Variants in TSHR observed in about 807,000 individuals in gnomAD.
The protein encoded by TSHR is thyrotropin receptor.
In TSHR, 51 loss-of-function variants were observed where a neutral mutation model predicts 64.1. The observed-to-expected ratio is 0.80, with a 90% CI of 0.64 to 1.01. TSHR has a LOEUF of 1.01. TSHR is among the 50% of genes least tolerant of loss of function. The pLI is 0.00. For synonymous variants in TSHR, 361 were observed against 361.9 expected, an observed-to-expected ratio of 1.00 and a Z score of 0.03; for missense variants, 877 against 942.8, an observed-to-expected ratio of 0.93 and a Z score of 0.91.
chr14:81,139,835 CTGT>C lies in TSHR; in HGVS notation c.850_852del (p.Cys284del). 6.2e-7 allele frequency: 1 copy of C among 1,614,214 alleles called. No individual in the cohort carries two copies. Among genetic ancestry groups the C allele is most frequent in the South Asian group, 1.1e-5 (1 of 91,092 alleles). Reference sequence around the variant, plus strand: ...CTGACCTTTCTTACCCAAGCCACTGCTGTGCTTTTAAGAATCAGAAGAAAATCA... The same window carrying C: ...CTGACCTTTCTTACCCAAGCCACTGCGCTTTTAAGAATCAGAAGAAAATCA... On this transcript the variant is annotated inframe_deletion, in exon 9 of 10. Transcript: ENST00000298171.
rs1888278492 is a variant in TSHR, at chr14:80,983,458, C to A, written c.170+27608C>A. 3.8e-6 allele frequency: 5 copies of A among 1,328,296 alleles called. 1 individual carries two copies. The highest frequency in any genetic ancestry group is 4.1e-5 in the Admixed American group (2 of 49,318). The allele number at this position is 1,328,296 out of a possible 1,614,324, so 82.3% of individuals were successfully genotyped here. A position where few individuals can be genotyped will look rare whatever the true frequency, so the allele number is the denominator to read the frequency against. ...GACATGATCAATATGAAGGCACTGG[C>A]AGCATCAAAACTCATCTTTAACCAT... is the stretch of plus-strand genomic sequence containing the variant. On this transcript the variant is annotated intron_variant, in intron 1 of 9. Transcript: ENST00000298171.
At chr14:80,956,087 T>C (rs1886661464) in intron 1 of TSHR, 1 of 610,082 alleles carries the variant, frequency 1.6e-6, no homozygotes, top group African/African-American at 1.8e-5. Flanking sequence ...TTACAAAACT[T>C]TGGTGTACAA....
chr14:81,030,253 A>G (rs1012345394), intron 1 of TSHR, among the ~76,000 whole-genome samples: 1 of 150,918 alleles, frequency 6.6e-6, no homozygotes, highest in East Asian at 1.9e-4. Flanking sequence ...CTAAAACAGA[A>G]TTTAAAAATG....
At chr14:81,092,443 T>A (rs1045057332) in intron 5 of TSHR, 88 bp from the exon 6 acceptor site, 14 of 1,156,422 alleles carry the variant, frequency 1.2e-5, no homozygotes, top group Admixed American at 3.4e-5. Flanking sequence ...TATTGTGTCC[T>A]GTTATTTAAG....
chr14:80,974,940 G>A (rs1426815309), intron 1 of TSHR, among the ~76,000 whole-genome samples: 1 of 152,228 alleles, frequency 6.6e-6, no homozygotes, highest in African/African-American at 2.4e-5. Flanking sequence ...TACTTACACA[G>A]TAAGAGTGCT....
chr14:81,017,427 G>A (rs1475836197), intron 1 of TSHR, among the ~76,000 whole-genome samples: 1 of 152,148 alleles, frequency 6.6e-6, no homozygotes, highest in Non-Finnish European at 1.5e-5. Flanking sequence ...GTAAGGAGTG[G>A]AGAGAGTGCA....
intron 1 of TSHR, among the ~76,000 whole-genome samples, chr14:81,037,287 T>A (rs1884675348): frequency 6.7e-6 from 1 of 149,628 alleles, no homozygotes; most frequent in African/African-American, 2.5e-5. Context: ...AGCCCCATGG[T>A]AACCACAAAG....
At chr14:81,127,963 T>C (rs989469169) in intron 8 of TSHR, among the ~76,000 whole-genome samples, 1 of 152,204 alleles carries the variant, frequency 6.6e-6, no homozygotes, top group African/African-American at 2.4e-5. Flanking sequence ...CACTGTGTGG[T>C]AGAATGCTGA....
intron 1 of TSHR, among the ~76,000 whole-genome samples, chr14:81,028,918 G>T (rs144371636): frequency 3.6e-4 from 54 of 151,894 alleles, no homozygotes; most frequent in African/African-American, 1.1e-3. Flanking sequence ...CCTTTGGTAA[G>T]GTTGATTGAG....
intron 2 of TSHR, 40 bp from the exon 3 acceptor site, chr14:81,068,214 A>G: frequency 6.3e-7 from 1 of 1,592,504 alleles, no homozygotes; most frequent in Non-Finnish European, 8.6e-7. Context: ...TTACAACCTT[A>G]CTAACTTTCT....
intron 1 of TSHR, chr14:81,033,236 A>G (rs771734065): frequency 1.5e-5 from 7 of 476,896 alleles, no homozygotes; most frequent in Non-Finnish European, 2.5e-5. Flanking sequence ...AGAAGGGGCC[A>G]GAGCATCCAC....
chr14:80,973,439 T>A (rs888937080), intron 1 of TSHR, among the ~76,000 whole-genome samples: 2 of 86,330 alleles, frequency 2.3e-5, no homozygotes, highest in African/African-American at 3.2e-5. Flanking sequence ...ATCTGTGTAC[T>A]TATTCTCAGA....
At chr14:81,011,468 TC>T (rs1315159055) in intron 1 of TSHR, among the ~76,000 whole-genome samples, 1 of 152,148 alleles carries the variant, frequency 6.6e-6, no homozygotes, top group East Asian at 1.9e-4. Flanking sequence ...TTCACAGTAT[TC>T]TTTTAAGTTA....
intron 1 of TSHR, among the ~76,000 whole-genome samples, chr14:81,039,060 T>G (rs1299037991): frequency 1.3e-5 from 2 of 151,828 alleles, no homozygotes; most frequent in African/African-American, 4.8e-5. Context: ...AGCATTACCC[T>G]GATACAAAAA....
At chr14:81,141,633 G>A (rs1311900097) in intron 9 of TSHR, among the ~76,000 whole-genome samples, 1 of 152,174 alleles carries the variant, frequency 6.6e-6, no homozygotes, top group Admixed American at 6.5e-5. Flanking sequence ...GGCTGGCCGG[G>A]GGCAGTGGCT....
chr14:81,057,048 CT>C (rs1885861633), intron 1 of TSHR, among the ~76,000 whole-genome samples: 1 of 152,174 alleles, frequency 6.6e-6, no homozygotes, highest in Non-Finnish European at 1.5e-5. Context: ...CCTATGCTTG[CT>C]GTATTCTTTC....
intron 1 of TSHR, chr14:80,991,644 C>T (rs1309119923): frequency 2.5e-6 from 1 of 398,328 alleles, no homozygotes; most frequent in Admixed American, 4.4e-5. Context: ...GAGTTGATGG[C>T]TAAGCTGACT....
chr14:80,977,593 A>G (rs1207029475), intron 1 of TSHR, among the ~76,000 whole-genome samples: 1 of 152,266 alleles, frequency 6.6e-6, no homozygotes, highest in East Asian at 1.9e-4. Context: ...TGATTCTTCT[A>G]TGAAGGCTTG....
chr14:81,029,841 C>T (rs1285694340), intron 1 of TSHR, among the ~76,000 whole-genome samples: 3 of 152,148 alleles, frequency 2.0e-5, no homozygotes, highest in African/African-American at 4.8e-5. Flanking sequence ...GACTGCCCAA[C>T]GTTGTCTGGA....
Sources: allele counts gnomAD v4.1 joint callset (sites outside exome capture counted in the v4.1 genomes callset), GRCh38; gene constraint gnomAD v4.1.1; transcripts MANE v1.5; gene names NCBI Gene and HGNC (gene_info 2026-07-23, HGNC 2026-07-21).